Variants in MRTFB observed in about 807,000 individuals in gnomAD.
MRTFB encodes myocardin-related transcription factor B.
In MRTFB, 29 loss-of-function variants were observed where a neutral mutation model predicts 104.2. That is an observed-to-expected ratio of 0.28 (90% CI 0.21 to 0.38). The LOEUF is 0.38. Ranked by LOEUF, MRTFB falls within the 10% of genes least tolerant of loss-of-function variation. The probability of loss-of-function intolerance (pLI) is 1.00; values close to 1 mark genes in which losing one functional copy is unlikely to be tolerated. For missense variants in MRTFB, 1,270 were observed against 1,341.6 expected (o/e 0.95, Z 0.83); for synonymous variants, 535 against 519.5 (o/e 1.03, Z -0.41).
At chr16:14,254,872 C>T (rs946900566) in intron 15 of MRTFB, among the ~76,000 whole-genome samples, 2 of 152,092 alleles carry the variant, frequency 1.3e-5, no homozygotes, top group African/African-American at 2.4e-5. Flanking sequence ...TTAGAACTTG[C>T]GGGCAAGGTT....
chr16:13,997,792 CAAAA>C, the MRTFB span, among the ~76,000 whole-genome samples: 13 of 90,758 alleles, frequency 1.4e-4, no homozygotes, highest in Non-Finnish European at 2.1e-4. Context: ...GACCCTATCT[CAAAA>C]AAAAAAAAAA....
chr16:14,031,698 T>C, the MRTFB span, among the ~76,000 whole-genome samples: 21 of 152,318 alleles, frequency 1.4e-4, no homozygotes, highest in Non-Finnish European at 2.9e-4. Flanking sequence ...GCATCATGTG[T>C]GACAATATTT....
the MRTFB span, among the ~76,000 whole-genome samples, chr16:14,035,351 T>C: frequency 6.6e-6 from 1 of 152,168 alleles, no homozygotes; most frequent in African/African-American, 2.4e-5. Context: ...TTATTCCAAC[T>C]GATCTGCAGG....
chr16:14,007,249 C>G, the MRTFB span, among the ~76,000 whole-genome samples: 4,698 of 152,248 alleles, frequency 0.031, 143 homozygotes, highest in Non-Finnish European at 0.043. Context: ...TCCTAATTTC[C>G]TTTCTGTCTC....
chr16:14,172,580 A>G (rs2039458342), intron 3 of MRTFB, among the ~76,000 whole-genome samples: 1 of 152,094 alleles, frequency 6.6e-6, no homozygotes, highest in African/African-American at 2.4e-5. Context: ...AGAAAAATGC[A>G]TGTGTAGTTT....
chr16:14,226,013 A>G (rs2041988052), intron 8 of MRTFB, among the ~76,000 whole-genome samples: 1 of 152,096 alleles, frequency 6.6e-6, no homozygotes, highest in Admixed American at 6.6e-5. Context: ...GGCATCAGAC[A>G]CTCTTGGCCA....
At chr16:14,101,901 A>G (rs1176264342) in intron 2 of MRTFB, among the ~76,000 whole-genome samples, 8 of 152,206 alleles carry the variant, frequency 5.3e-5, no homozygotes, top group Non-Finnish European at 1.2e-4. Flanking sequence ...CTAATGTAAT[A>G]ACATCTTCTC....
At chr16:14,164,844 G>A (rs1374220666) in intron 3 of MRTFB, among the ~76,000 whole-genome samples, 3 of 151,772 alleles carry the variant, frequency 2.0e-5, no homozygotes, top group African/African-American at 4.8e-5. Context: ...TGACACCAAA[G>A]CCGATGCTCA....
intron 9 of MRTFB, among the ~76,000 whole-genome samples, chr16:14,237,189 G>A (rs1312958560): frequency 6.6e-6 from 1 of 152,198 alleles, no homozygotes; most frequent in Non-Finnish European, 1.5e-5. Flanking sequence ...GGCATTTAAA[G>A]CCATGAAACC....
chr16:14,171,739 G>A (rs563400085), intron 3 of MRTFB, among the ~76,000 whole-genome samples: 111 of 152,234 alleles, frequency 7.3e-4, no homozygotes, highest in African/African-American at 2.6e-3. Flanking sequence ...AGTAGTTTTA[G>A]AATTGCTAAC....
In MRTFB at chr16:14,266,032, C is replaced by T. The variant is rs2043936935; in HGVS notation, c.*4588C>T. The T allele has an allele frequency of 6.6e-6, 1 of 152,148 alleles. No individual in the cohort carries two copies. Among genetic ancestry groups the T allele is most frequent in the Non-Finnish European group, 1.5e-5 (1 of 68,024 alleles). 9.4% of individuals were successfully genotyped at this position (152,148 alleles called of 1,614,324 possible). A position where few individuals can be genotyped will look rare whatever the true frequency, so the allele number is the denominator to read the frequency against. On this transcript the variant is annotated 3_prime_UTR_variant, in exon 17 of 17. Coordinates refer to ENST00000571589, the MANE Select transcript of MRTFB (RefSeq NM_001308142.2). ...ATTTAGGAAAGGGTTTAGTATCTAC[C>T]AAAAGTACTTGACCTCAAGTAACCA...
intron 3 of MRTFB, among the ~76,000 whole-genome samples, chr16:14,197,490 C>A (rs955576332): frequency 6.6e-6 from 1 of 152,086 alleles, no homozygotes; most frequent in East Asian, 1.9e-4. Flanking sequence ...TGAAGTGAAA[C>A]GGTGTTGGTT....
intron 2 of MRTFB, among the ~76,000 whole-genome samples, chr16:14,112,300 C>G (rs192454623): frequency 1.3e-5 from 2 of 151,996 alleles, no homozygotes; most frequent in Non-Finnish European, 2.9e-5. Context: ...GAGGTAGGTG[C>G]GTGAAACTGG....
chr16:14,075,381 A>G (rs1369981115), intron 1 of MRTFB, among the ~76,000 whole-genome samples: 1 of 152,222 alleles, frequency 6.6e-6, no homozygotes, highest in Non-Finnish European at 1.5e-5. Flanking sequence ...TTTGAAATGT[A>G]GACTCTGAGC....
In MRTFB at chr16:14,196,964, C is replaced by CTTTTTTTTTT. The variant is rs35259229; in HGVS notation, c.155-13265_155-13256dup. On this transcript the variant is annotated intron_variant, in intron 3 of 16. Coordinates refer to ENST00000571589, the MANE Select transcript of MRTFB (RefSeq NM_001308142.2). ...AGTACTTTAGTGCTTTCTCTTTTTT[C>CTTTTTTTTTT]TTTTTTTTTTTTTTTTTTTTTTTGA... is the stretch of plus-strand genomic sequence containing the variant. 2.0e-3 allele frequency among the ~76,000 whole-genome samples: 209 copies of CTTTTTTTTTT among 103,148 alleles called. 1 individual carries two copies. The highest frequency in any genetic ancestry group is 2.9e-3 in the Admixed American group (22 of 7,644). 67.7% of individuals were successfully genotyped at this position (103,148 alleles called of 152,430 possible).
At chr16:14,127,911 ATATATATATATATATATATTTTTTTTTTT>A (rs201483694) in intron 2 of MRTFB, among the ~76,000 whole-genome samples, 5,867 of 53,578 alleles carry the variant, frequency 0.11, 405 homozygotes, top group South Asian at 0.36. Context: ...ATATATATAT[ATATATATATATATATATATTTTTTTTTTT>A]TTTTTTTTTT....
intron 2 of MRTFB, among the ~76,000 whole-genome samples, chr16:14,113,790 A>G (rs189489936): frequency 6.6e-6 from 1 of 152,334 alleles, no homozygotes; most frequent in African/African-American, 2.4e-5. Flanking sequence ...AAGCATATCC[A>G]CAAAGAAAGT....
At chr16:14,143,450 T>C (rs1261419403) in intron 3 of MRTFB, 2 of 152,010 alleles carry the variant, frequency 1.3e-5, no homozygotes, top group African/African-American at 4.8e-5. Flanking sequence ...GTGCATGTTT[T>C]AGACACAAAT....
Position 14,158,669 on chromosome 16 carries a change from A to G in MRTFB, c.154+17909A>G, listed in dbSNP as rs528562571. On this transcript the variant is annotated intron_variant, in intron 3 of 16. Transcript: ENST00000571589. ...TATGGCTATAAAAGGTATAAATATA[A>G]TCATATGCAAAGCTAAAAAGAGTTA... Among the ~76,000 whole-genome samples, 6 of 152,302 alleles carry G rather than the reference A, an allele frequency of 3.9e-5. No individual in the cohort carries two copies. In the South Asian group the frequency reaches 1.2e-3, roughly 32 times the overall value.
Sources: allele counts gnomAD v4.1 joint callset (sites outside exome capture counted in the v4.1 genomes callset), GRCh38; gene constraint gnomAD v4.1.1; transcripts MANE v1.5; gene names NCBI Gene and HGNC (gene_info 2026-07-23, HGNC 2026-07-21).